THSD4: variants seen among roughly 807,000 people sequenced by gnomAD.
THSD4 encodes thrombospondin type-1 domain-containing protein 4.
THSD4 carries 69 observed loss-of-function variants against 119.0 expected under a neutral mutation model. The observed-to-expected ratio is 0.58, with a 90% confidence interval of 0.48 to 0.71. The LOEUF is 0.71. THSD4 is among the 30% of genes least tolerant of loss of function. The probability of loss-of-function intolerance (pLI) is 0.00; values close to 1 mark genes in which losing one functional copy is unlikely to be tolerated. For missense variants in THSD4, 1,393 were observed against 1,391.1 expected (o/e 1.00, Z -0.02); for synonymous variants, 524 against 540.4 (o/e 0.97, Z 0.42).
In THSD4 at chr15:71,589,373, T is replaced by C. The variant is rs1340875746; in HGVS notation, c.1153-71157T>C. Among the ~76,000 whole-genome samples the C allele has an allele frequency of 1.5e-5, 2 of 130,494 alleles. 1 individual carries two copies. The highest frequency in any genetic ancestry group is 3.5e-5 in the Non-Finnish European group (2 of 56,602). The allele number at this position is 130,494 out of a possible 152,430, so 85.6% of individuals were successfully genotyped here. On this transcript the variant is annotated intron_variant, in intron 7 of 17. Coordinates refer to ENST00000261862, the MANE Select transcript of THSD4 (RefSeq NM_024817.3). ...ATTTATTTATTTATTTTTTTATTTA[T>C]TGGAGACAGAGTCTCACTGTCATTC...
chr15:71,203,500 C>CA (rs34386939), intron 3 of THSD4, among the ~76,000 whole-genome samples: 76,316 of 150,940 alleles, frequency 0.51, 23,215 homozygotes, highest in Admixed American at 0.68. Flanking sequence ...ACCAAAAATA[C>CA]AAAAAAAAAT....
At chr15:71,257,117 G>T (rs556786605) in intron 6 of THSD4, among the ~76,000 whole-genome samples, 14 of 152,194 alleles carry the variant, frequency 9.2e-5, no homozygotes, top group African/African-American at 3.4e-4. Flanking sequence ...GAACATGTGG[G>T]GTTGTACAGT....
intron 6 of THSD4, among the ~76,000 whole-genome samples, chr15:71,410,166 C>T (rs1429410203): frequency 6.6e-6 from 1 of 152,046 alleles, no homozygotes; most frequent in Non-Finnish European, 1.5e-5. Context: ...GGAGAAAAGG[C>T]CGATATTCAT....
chr15:71,317,993 G>GGTGGT (rs2140357286), intron 6 of THSD4, among the ~76,000 whole-genome samples: 1 of 152,282 alleles, frequency 6.6e-6, no homozygotes, highest in South Asian at 2.1e-4. Context: ...TAGGTGAGGA[G>GGTGGT]GTGGTGGAGC....
chr15:71,534,196 C>T (rs904024566), intron 7 of THSD4, among the ~76,000 whole-genome samples: 1 of 152,178 alleles, frequency 6.6e-6, no homozygotes, highest in African/African-American at 2.4e-5. Flanking sequence ...GCAATCCTCC[C>T]ACCTCAGCCT....
intron 2 of THSD4, among the ~76,000 whole-genome samples, chr15:71,154,245 C>T (rs749413819): frequency 3.9e-5 from 6 of 152,212 alleles, no homozygotes; most frequent in Admixed American, 6.5e-5. Context: ...CAGCCGGCTC[C>T]TATTTCCCCA....
intron 3 of THSD4, among the ~76,000 whole-genome samples, chr15:71,192,783 G>A (rs2043684340): frequency 6.6e-6 from 1 of 152,098 alleles, no homozygotes; most frequent in Admixed American, 6.5e-5. Flanking sequence ...CATGACAACT[G>A]TCTGTGTGCA....
intron 6 of THSD4, among the ~76,000 whole-genome samples, chr15:71,371,258 G>C (rs551456853): frequency 6.6e-6 from 1 of 152,088 alleles, no homozygotes; most frequent in Non-Finnish European, 1.5e-5. Context: ...TCTTTTAATT[G>C]TAGCATTTAG....
At chr15:71,499,850 G>T (rs1484337122) in intron 7 of THSD4, among the ~76,000 whole-genome samples, 1 of 152,130 alleles carries the variant, frequency 6.6e-6, no homozygotes, top group Non-Finnish European at 1.5e-5. Context: ...TTTTAAGGAT[G>T]AATAATATTC....
intron 2 of THSD4, chr15:71,147,560 G>A (rs1412185869): frequency 6.6e-6 from 1 of 152,062 alleles, no homozygotes; most frequent in Non-Finnish European, 1.5e-5. Flanking sequence ...CTTGAGGATG[G>A]GTCAAGATTA....
At chr15:71,191,696 GT>G (rs1387017794) in intron 3 of THSD4, among the ~76,000 whole-genome samples, 1 of 152,062 alleles carries the variant, frequency 6.6e-6, no homozygotes, top group Admixed American at 6.5e-5. Flanking sequence ...GCTGTACTTG[GT>G]TGTTCCCTCC....
intron 7 of THSD4, among the ~76,000 whole-genome samples, chr15:71,610,805 A>T (rs557316365): frequency 1.1e-4 from 17 of 152,318 alleles, no homozygotes; most frequent in South Asian, 8.3e-4. Context: ...CATTCTCCAG[A>T]TATAAATTGG....
intron 6 of THSD4, among the ~76,000 whole-genome samples, chr15:71,317,560 T>C (rs2045206611): frequency 2.6e-5 from 4 of 152,172 alleles, no homozygotes; most frequent in Admixed American, 2.6e-4. Flanking sequence ...TCAGGTAACT[T>C]TCACTAGGTC....
At chr15:71,496,737 C>T (rs76063808) in intron 7 of THSD4, among the ~76,000 whole-genome samples, 17,953 of 152,190 alleles carry the variant, frequency 0.12, 1,357 homozygotes, top group African/African-American at 0.21. Context: ...AACTAGGGTT[C>T]TGTCCTTAGG....
chr15:71,689,722 C>T (rs993865393), intron 8 of THSD4, among the ~76,000 whole-genome samples: 1 of 152,036 alleles, frequency 6.6e-6, no homozygotes, highest in East Asian at 1.9e-4. Context: ...TACCATCACC[C>T]TCATTGAGAT....
In THSD4 at chr15:71,462,526, T is replaced by C. The variant is rs185256780; in HGVS notation, c.1152+50703T>C. ...ACATGAAAGATGATCATCCCACTTCTACTTTAATATATTCAGTGATAAAAC... is the reference window on the plus strand; with the variant it reads ...ACATGAAAGATGATCATCCCACTTCCACTTTAATATATTCAGTGATAAAAC... On this transcript the variant is annotated intron_variant, in intron 7 of 17. Transcript: ENST00000261862. Among the ~76,000 whole-genome samples, 231 of 152,356 alleles carry C rather than the reference T, an allele frequency of 1.5e-3. 1 individual carries two copies. Among genetic ancestry groups the C allele is most frequent in the African/African-American group, 5.1e-3 (213 of 41,586 alleles).
chr15:71,253,740 T>C (rs2044284770), intron 5 of THSD4, among the ~76,000 whole-genome samples: 1 of 152,174 alleles, frequency 6.6e-6, no homozygotes, highest in African/African-American at 2.4e-5. Context: ...ATATTACATG[T>C]TTATTGCAGA....
Position 71,348,861 on chromosome 15 carries a change from G to T in THSD4, c.1016-62826G>T, listed in dbSNP as rs954115308. 5.2e-4 allele frequency among the ~76,000 whole-genome samples: 79 copies of T among 152,234 alleles called. 5 individuals are homozygous for T. Among genetic ancestry groups the T allele is most frequent in the Non-Finnish European group, 1.2e-4 (8 of 68,048 alleles). On this transcript the variant is annotated intron_variant, in intron 6 of 17. Transcript: ENST00000261862. The stretch of plus-strand genomic sequence containing the variant: ...GCAGCATCTTTGGAGTAAGTGCCAA[G>T]CCTCCAGAGGAACCCTGGTAAAGGG...
chr15:71,122,191 C>T (rs924650378), intron 1 of THSD4, among the ~76,000 whole-genome samples: 2 of 152,044 alleles, frequency 1.3e-5, no homozygotes, highest in Non-Finnish European at 1.5e-5. Flanking sequence ...GTCAGCTAAG[C>T]GGGGAGGAGC....
Sources: allele counts gnomAD v4.1 joint callset (sites outside exome capture counted in the v4.1 genomes callset), GRCh38; gene constraint gnomAD v4.1.1; transcripts MANE v1.5; gene names NCBI Gene and HGNC (gene_info 2026-07-23, HGNC 2026-07-21).